The following MCF2L2 variants were observed in gnomAD, a reference collection of about 807,000 sequenced individuals.
MCF2L2 encodes the protein probable guanine nucleotide exchange factor MCF2L2.
A neutral mutation model predicts 150.2 loss-of-function variants in MCF2L2; 102 were observed. The ratio of observed to expected loss-of-function variants is 0.68; its 90% confidence interval spans 0.58 to 0.80. The LOEUF (loss-of-function observed/expected upper bound fraction) is 0.80, where lower values mean the gene tolerates loss of function less well. Among genes scored for constraint, MCF2L2 ranks in the 30% least tolerant of loss-of-function variants. The pLI, the probability that MCF2L2 is intolerant of heterozygous loss-of-function variation, is 0.00. For missense variants in MCF2L2, 1,256 were observed against 1,372.8 expected (o/e 0.91, Z 1.34); for synonymous variants, 465 against 491.3 (o/e 0.95, Z 0.71).
At chr3:183,387,264 CA>C (rs112807324) in intron 2 of MCF2L2, among the ~76,000 whole-genome samples, 16,495 of 84,286 alleles carry the variant, frequency 0.2, 1,093 homozygotes, top group African/African-American at 0.32. Context: ...CACCATGTCT[CA>C]AAAAAAAAAA....
chr3:183,336,453 T>C (rs1026682751), intron 5 of MCF2L2, among the ~76,000 whole-genome samples: 3 of 152,190 alleles, frequency 2.0e-5, no homozygotes, highest in Admixed American at 6.5e-5. Context: ...ACTCATGTTA[T>C]CTATTTTTTA....
intron 2 of MCF2L2, among the ~76,000 whole-genome samples, chr3:183,389,334 C>T (rs1334988444): frequency 1.3e-4 from 20 of 152,148 alleles, no homozygotes; most frequent in Admixed American, 1.2e-3. Flanking sequence ...AGAACTAAGA[C>T]CTTTGTAAGG....
intron 3 of MCF2L2, among the ~76,000 whole-genome samples, chr3:183,343,837 C>A (rs1730797235): frequency 6.6e-6 from 1 of 152,048 alleles, no homozygotes; most frequent in Non-Finnish European, 1.5e-5. Flanking sequence ...TATGTCACAA[C>A]AATAGCATGA....
At chr3:183,195,000 C>T (rs1041366434) in intron 26 of MCF2L2, among the ~76,000 whole-genome samples, 1 of 152,000 alleles carries the variant, frequency 6.6e-6, no homozygotes, top group Non-Finnish European at 1.5e-5. Context: ...CCAGGCTGGT[C>T]TCAAACTCCT....
chr3:183,315,069 T>C (rs1411272565), intron 7 of MCF2L2, among the ~76,000 whole-genome samples: 1 of 148,876 alleles, frequency 6.7e-6, no homozygotes, highest in Non-Finnish European at 1.5e-5. Flanking sequence ...CCTGAGTACC[T>C]GGGATTACAG....
chr3:183,411,546 C>T (rs1577134690), intron 1 of MCF2L2, among the ~76,000 whole-genome samples: 1 of 151,766 alleles, frequency 6.6e-6, no homozygotes, highest in African/African-American at 2.4e-5. Flanking sequence ...TTTCAAGTAT[C>T]TGGCAAAGAT....
intron 15 of MCF2L2, among the ~76,000 whole-genome samples, chr3:183,242,592 G>A (rs1030016428): frequency 6.6e-6 from 1 of 152,186 alleles, no homozygotes; most frequent in Non-Finnish European, 1.5e-5. Flanking sequence ...GAATTGAGGT[G>A]GATGTACAGA....
chr3:183,358,075 G>A lies in MCF2L2; in HGVS notation c.276-16445C>T, dbSNP rs532437946. Among the ~76,000 whole-genome samples the A allele has an allele frequency of 5.3e-5, 8 of 152,190 alleles. No individual in the cohort carries two copies. The East Asian group carries it at 1.5e-3, about 29-fold the overall frequency. Reference sequence around the variant, plus strand: ...GGCCGAGAAGGGCAGATGACCTGAGGTCAGGAGTTCAAGATCAGCCTGGCC... The same window carrying A: ...GGCCGAGAAGGGCAGATGACCTGAGATCAGGAGTTCAAGATCAGCCTGGCC... On this transcript the variant is annotated intron_variant, in intron 3 of 29. Coordinates refer to ENST00000328913, the MANE Select transcript of MCF2L2 (RefSeq NM_015078.4).
chr3:183,209,561 T>A (rs1008623652), intron 22 of MCF2L2, among the ~76,000 whole-genome samples: 3 of 152,192 alleles, frequency 2.0e-5, no homozygotes, highest in Admixed American at 1.3e-4. Flanking sequence ...CGACCTTGGC[T>A]CACCGCAACC....
chr3:183,380,261 C>T (rs1713443141), intron 2 of MCF2L2, among the ~76,000 whole-genome samples: 1 of 152,164 alleles, frequency 6.6e-6, no homozygotes, highest in South Asian at 2.1e-4. Context: ...AACTGTGTCG[C>T]AGGTAAGCAG....
chr3:183,202,506 A>C, intron 25 of MCF2L2, among the ~76,000 whole-genome samples: 1 of 152,234 alleles, frequency 6.6e-6, no homozygotes, highest in East Asian at 1.9e-4. Context: ...GATGATCTGC[A>C]CAAACAGAAA....
intron 15 of MCF2L2, among the ~76,000 whole-genome samples, chr3:183,274,793 C>T (rs1270926219): frequency 1.3e-5 from 2 of 152,144 alleles, no homozygotes; most frequent in East Asian, 3.8e-4. Context: ...GTTTTCCTTC[C>T]GATCACTTCC....
chr3:183,346,879 T>G (rs1730920132), intron 3 of MCF2L2, among the ~76,000 whole-genome samples: 2 of 152,158 alleles, frequency 1.3e-5, no homozygotes. Flanking sequence ...CAAGGAGAAC[T>G]ACAAATCACT....
At chr3:183,411,450 G>A (rs4859184) in intron 1 of MCF2L2, among the ~76,000 whole-genome samples, 3 of 152,056 alleles carry the variant, frequency 2.0e-5, no homozygotes, top group East Asian at 1.9e-4. Context: ...ACTAACACCC[G>A]AAAGGGAGCC....
intron 1 of MCF2L2, among the ~76,000 whole-genome samples, chr3:183,403,401 C>T (rs1222483909): frequency 6.6e-6 from 1 of 152,194 alleles, no homozygotes; most frequent in African/African-American, 2.4e-5. Context: ...TTGTATTATC[C>T]GTGCTAGCAG....
At chr3:183,219,104 G>A (rs571838962) in intron 21 of MCF2L2, among the ~76,000 whole-genome samples, 6 of 151,902 alleles carry the variant, frequency 3.9e-5, no homozygotes, top group Admixed American at 2.0e-4. Context: ...TTATTCTAAG[G>A]GAACTTTGGC....
chr3:183,407,239 C>T (rs906596831), intron 1 of MCF2L2, among the ~76,000 whole-genome samples: 3 of 152,150 alleles, frequency 2.0e-5, no homozygotes, highest in African/African-American at 7.2e-5. Flanking sequence ...TTTGCCAATA[C>T]CACACTGTCG....
chr3:183,291,652 G>A (rs1398459983), intron 13 of MCF2L2, among the ~76,000 whole-genome samples: 1 of 152,142 alleles, frequency 6.6e-6, no homozygotes, highest in Admixed American at 6.5e-5. Context: ...AGTTACTAAG[G>A]AATCAGACAA....
chr3:183,304,737 G>A (rs1227703250), intron 10 of MCF2L2, among the ~76,000 whole-genome samples: 2 of 151,702 alleles, frequency 1.3e-5, no homozygotes, highest in Non-Finnish European at 2.9e-5. Flanking sequence ...GCCTCCCAAA[G>A]TGCTAGGATT....
Sources: allele counts gnomAD v4.1 joint callset (sites outside exome capture counted in the v4.1 genomes callset), GRCh38; gene constraint gnomAD v4.1.1; transcripts MANE v1.5; gene names NCBI Gene and HGNC (gene_info 2026-07-23, HGNC 2026-07-21).